The following CYP2C19 variants were observed in gnomAD, a reference collection of about 807,000 sequenced individuals.
CYP2C19 encodes cytochrome P450 family 2 subfamily C member 19.
Under a neutral mutation model 40.9 loss-of-function variants are expected in CYP2C19, and 59 were observed. The observed-to-expected ratio is 1.44, with a 90% CI of 1.17 to 1.79. CYP2C19 has a LOEUF of 1.79. Among genes scored for constraint, CYP2C19 ranks in the 40% most tolerant of loss-of-function variants. The probability of loss-of-function intolerance (pLI) is 0.00; values close to 1 mark genes in which losing one functional copy is unlikely to be tolerated. For synonymous variants in CYP2C19, 253 were observed against 208.7 expected (o/e 1.21, Z -1.83); for missense variants, 754 against 596.9 (o/e 1.26, Z -2.74).
At chr10:94,817,034 A>C (rs1849016730) in intron 5 of CYP2C19, among the ~76,000 whole-genome samples, 1 of 122,042 alleles carries the variant, frequency 8.2e-6, no homozygotes, top group African/African-American at 3.0e-5. Context: ...TGCCGCAATA[A>C]ACATACGTGT....
chr10:94,778,931 C>T (rs2134238720), intron 3 of CYP2C19, among the ~76,000 whole-genome samples: 1 of 152,228 alleles, frequency 6.6e-6, no homozygotes, highest in Admixed American at 6.5e-5. Flanking sequence ...TACTATGCAG[C>T]CATTAAAAAG....
intron 5 of CYP2C19, among the ~76,000 whole-genome samples, chr10:94,795,621 C>A (rs1848673273): frequency 6.6e-6 from 1 of 152,164 alleles, no homozygotes; most frequent in Admixed American, 6.5e-5. Flanking sequence ...GTCCCACCAA[C>A]AGTGTAAAAG....
chr10:94,842,158 A>G (rs1258773965), intron 6 of CYP2C19, among the ~76,000 whole-genome samples: 1 of 152,172 alleles, frequency 6.6e-6, no homozygotes, highest in African/African-American at 2.4e-5. Context: ...TCTTTTACAT[A>G]TCTGGGTGCT....
Position 94,832,368 on chromosome 10 carries a change from G to T in CYP2C19, c.962-10469G>T, listed in dbSNP as rs545319379. 5.3e-5 allele frequency among the ~76,000 whole-genome samples: 8 copies of T among 152,268 alleles called. No homozygotes were observed. The East Asian group carries it at 1.5e-3, about 29-fold the overall frequency. On this transcript the variant is annotated intron_variant, in intron 6 of 8. Transcript: ENST00000371321. ...TGGTGGCAGACAGAGATCTTTGCAG[G>T]GGAAGTCCCATTTATAAAACCATCA...
chr10:94,800,569 G>A (rs554829699), intron 5 of CYP2C19, among the ~76,000 whole-genome samples: 3 of 152,326 alleles, frequency 2.0e-5, no homozygotes, highest in African/African-American at 4.8e-5. Flanking sequence ...CTGTCAGATA[G>A]GGATGTTTAA....
chr10:94,778,814 G>A (rs952316310), intron 3 of CYP2C19, among the ~76,000 whole-genome samples: 3 of 152,072 alleles, frequency 2.0e-5, no homozygotes, highest in Admixed American at 1.3e-4. Flanking sequence ...ACATACAAAC[G>A]TATGTTTATT....
chr10:94,831,257 A>G (rs1351222260), intron 6 of CYP2C19, among the ~76,000 whole-genome samples: 1 of 151,942 alleles, frequency 6.6e-6, no homozygotes, highest in Non-Finnish European at 1.5e-5. Context: ...TATGTACTAC[A>G]TTTTCTTTAT....
At chr10:94,772,855 C>T (rs1020704876) in intron 1 of CYP2C19, among the ~76,000 whole-genome samples, 11 of 152,200 alleles carry the variant, frequency 7.2e-5, no homozygotes, top group South Asian at 2.1e-4. Flanking sequence ...AACCTTGGCT[C>T]GCTGCAAGCT....
chr10:94,767,631 C>T (rs948824617), intron 1 of CYP2C19, among the ~76,000 whole-genome samples: 1 of 152,152 alleles, frequency 6.6e-6, no homozygotes, highest in Non-Finnish European at 1.5e-5. Context: ...ACCTCAGAGG[C>T]TTTGACTACC....
rs548839746 is a variant in CYP2C19, at chr10:94,848,043, T to C, written c.1150-1874T>C. On this transcript the variant is annotated intron_variant, in intron 7 of 8. Coordinates refer to ENST00000371321, the MANE Select transcript of CYP2C19 (RefSeq NM_000769.4). The stretch of plus-strand genomic sequence containing the variant: ...TCTGTAGGTTGCCTATTCACTCTGA[T>C]GGTGGTTTCTTTTGCTGTGCAGAAG... Among the ~76,000 whole-genome samples the C allele has an allele frequency of 1.6e-3, 239 of 152,310 alleles. 1 individual carries two copies. The highest frequency in any genetic ancestry group is 2.7e-3 in the Non-Finnish European group (186 of 68,014).
chr10:94,845,312 C>T (rs999182597), intron 7 of CYP2C19, among the ~76,000 whole-genome samples: 1 of 152,140 alleles, frequency 6.6e-6, no homozygotes, highest in African/African-American at 2.4e-5. Context: ...TGAATATCTT[C>T]CAATTTTTAT....
intron 5 of CYP2C19, among the ~76,000 whole-genome samples, chr10:94,797,584 T>A (rs1232899736): frequency 6.6e-6 from 1 of 152,128 alleles, no homozygotes; most frequent in Non-Finnish European, 1.5e-5. Context: ...TCTTGGTACC[T>A]CTGGTAGAAT....
At chr10:94,767,320 C>T (rs1429706736) in intron 1 of CYP2C19, among the ~76,000 whole-genome samples, 1 of 152,132 alleles carries the variant, frequency 6.6e-6, no homozygotes, top group Non-Finnish European at 1.5e-5. Flanking sequence ...CCTGGAAATT[C>T]CCTAAGTTAT....
intron 5 of CYP2C19, among the ~76,000 whole-genome samples, chr10:94,816,514 A>T (rs1849004939): frequency 6.6e-6 from 1 of 152,102 alleles, no homozygotes; most frequent in African/African-American, 2.4e-5. Context: ...TTTGTTTAAC[A>T]GTCTTTGTAC....
intron 8 of CYP2C19, among the ~76,000 whole-genome samples, chr10:94,850,802 C>T (rs1178931221): frequency 1.3e-5 from 2 of 152,096 alleles, no homozygotes; most frequent in Non-Finnish European, 2.9e-5. Flanking sequence ...TGCCAAATAA[C>T]CATGGATGGG....
chr10:94,804,518 GC>G (rs1380766102), intron 5 of CYP2C19, among the ~76,000 whole-genome samples: 1 of 152,204 alleles, frequency 6.6e-6, no homozygotes, highest in East Asian at 1.9e-4. Flanking sequence ...AATGTGTGCA[GC>G]TTTTCCTGGT....
At position 94,842,987 on chromosome 10, in the gene CYP2C19, C is replaced by T. The variant is rs568155950; in HGVS notation, c.1112C>T (p.Thr371Ile). 3 of 1,614,074 alleles carry T rather than the reference C, an allele frequency of 1.9e-6. No individual in the cohort carries two copies. The highest frequency in any genetic ancestry group is 1.7e-6 in the Non-Finnish European group (2 of 1,180,048). ...LIPTSLPHAV[T>I]CDVKFRNYLI... is the part of the protein sequence containing the mutation. ...CCCACCAGCCTGCCCCATGCAGTGACCTGTGACGTTAAATTCAGAAACTAC... is the reference window on the plus strand; with the variant it reads ...CCCACCAGCCTGCCCCATGCAGTGATCTGTGACGTTAAATTCAGAAACTAC... Residue 371 changes from threonine to isoleucine, a missense_variant, in exon 7 of 9, where the codon ACC (threonine) becomes ATC (isoleucine). By Grantham distance (89) the Thr-to-Ile change is moderately conservative. Coordinates refer to ENST00000371321, the MANE Select transcript of CYP2C19 (RefSeq NM_000769.4).
Position 94,852,906 on chromosome 10 carries a change from C to T in CYP2C19, c.1465C>T (p.Pro489Ser), listed in dbSNP as rs542090374. 8.1e-6 allele frequency: 13 copies of T among 1,613,940 alleles called. No homozygotes were observed. The highest frequency in any genetic ancestry group is 6.6e-5 in the South Asian group (6 of 91,076). ...VPPFYQLCFIPV is the reference protein window; with the variant it reads ...VPPFYQLCFISV Reference sequence around the variant, plus strand: ...GCCCTTCTATCAGCTGTGCTTCATTCCTGTCTGAAGAAGCACAGATGGTCT... The same window carrying T: ...GCCCTTCTATCAGCTGTGCTTCATTTCTGTCTGAAGAAGCACAGATGGTCT... Residue 489 changes from proline to serine, a missense_variant, in exon 9 of 9, where the codon CCT (proline) becomes TCT (serine). Transcript: ENST00000371321.
chr10:94,790,751 T>C (rs1848594854), intron 5 of CYP2C19, among the ~76,000 whole-genome samples: 2 of 152,154 alleles, frequency 1.3e-5, no homozygotes, highest in South Asian at 2.1e-4. Flanking sequence ...CTTGTTGATG[T>C]GCTGCTGGAT....
Sources: gnomAD v4.1 joint callset for allele counts (sites outside exome capture counted in the v4.1 genomes callset) on GRCh38, gnomAD v4.1.1 for gene constraint, MANE v1.5 for transcripts, NCBI Gene and HGNC (gene_info 2026-07-23, HGNC 2026-07-21) for gene names.